Variants in PLEKHH2 observed in about 807,000 individuals in gnomAD.
PLEKHH2 encodes the protein pleckstrin homology domain-containing family H member 2.
PLEKHH2 carries 129 observed loss-of-function variants against 187.9 expected under a neutral mutation model. That is an observed-to-expected ratio of 0.69 (90% CI 0.59 to 0.79). The LOEUF is 0.79. PLEKHH2 is among the 30% of genes least tolerant of loss of function. The pLI is 0.00. For synonymous variants in PLEKHH2, 686 were observed against 605.6 expected, an observed-to-expected ratio of 1.13 and a Z score of -1.95; for missense variants, 2,076 against 1,751.2, an observed-to-expected ratio of 1.19 and a Z score of -3.31.
chr2:43,743,149 T>G (rs1232913506), intron 22 of PLEKHH2, among the ~76,000 whole-genome samples: 2 of 152,256 alleles, frequency 1.3e-5, no homozygotes, highest in African/African-American at 4.8e-5. Flanking sequence ...ACTGCCATTA[T>G]GATTCTGATG....
Position 43,692,600 on chromosome 2 carries a change from G to A in PLEKHH2, c.273G>A (p.Leu91=), listed in dbSNP as rs1668857468. 3 of 1,611,882 alleles carry A rather than the reference G, an allele frequency of 1.9e-6. No homozygotes were observed. The highest frequency in any genetic ancestry group is 2.5e-6 in the Non-Finnish European group (3 of 1,178,356). Reference sequence around the variant, plus strand: ...GATTATATAATAAGTGTCAAGATCTGGAGTCGCTAATACAGGAAAAAGATG... The same window carrying A: ...GATTATATAATAAGTGTCAAGATCTAGAGTCGCTAATACAGGAAAAAGATG... ...ETRLYNKCQD[L]ESLIQEKDDV... is the part of the protein sequence containing the mutation. Residue 91 remains leucine, a synonymous_variant, in exon 4 of 30, where the codon CTG becomes CTA. Coordinates refer to ENST00000282406, the MANE Select transcript of PLEKHH2 (RefSeq NM_172069.4).
intron 24 of PLEKHH2, among the ~76,000 whole-genome samples, chr2:43,753,411 C>G (rs1572663437): frequency 6.6e-6 from 1 of 152,166 alleles, no homozygotes; most frequent in East Asian, 1.9e-4. Context: ...TCCAGCACTT[C>G]TCAACCTCAA....
chr2:43,685,960 C>T (rs1363113106), intron 3 of PLEKHH2, among the ~76,000 whole-genome samples: 1 of 152,196 alleles, frequency 6.6e-6, no homozygotes, highest in Non-Finnish European at 1.5e-5. Flanking sequence ...GATTATTCCC[C>T]TATAAAAGTA....
In PLEKHH2 at chr2:43,678,888, T is replaced by G; in HGVS notation, c.149T>G (p.Ile50Ser). 6.2e-7 allele frequency: 1 copy of G among 1,607,918 alleles called. No individual in the cohort carries two copies. Among genetic ancestry groups the G allele is most frequent in the Non-Finnish European group, 8.5e-7 (1 of 1,175,914 alleles). ...ATGCAACAGCTTGAGAGACAAGTTA[T>G]TGATGCTGAACGTCAAGCAGAAAAA... ...EKMQQLERQV[I>S]DAERQAEKAF... Residue 50 changes from isoleucine to serine, a missense_variant, in exon 3 of 30, where the codon ATT becomes AGT. Coordinates refer to ENST00000282406, the MANE Select transcript of PLEKHH2 (RefSeq NM_172069.4).
At position 43,697,328 on chromosome 2, in the gene PLEKHH2, T is replaced by G; in HGVS notation, c.660T>G (p.Pro220=). The part of the protein sequence containing the change: ...EEMSKISSKE[P]EFTEGKDMEE... ...TGAGCAAGATATCATCGAAAGAACC[T>G]GAGTTCACTGAAGGAAAAGACATGG... The change falls in exon 7 of 30, where the codon CCT becomes CCG. Residue 220 remains proline (P), a synonymous_variant. Coordinates refer to ENST00000282406, the MANE Select transcript of PLEKHH2 (RefSeq NM_172069.4). The G allele has an allele frequency of 6.2e-7, 1 of 1,612,270 alleles. No individual in the cohort carries two copies. The highest frequency in any genetic ancestry group is 8.5e-7 in the Non-Finnish European group (1 of 1,179,306).
At chr2:43,653,886 C>A (rs911477157) in intron 2 of PLEKHH2, among the ~76,000 whole-genome samples, 1 of 152,150 alleles carries the variant, frequency 6.6e-6, no homozygotes, top group Non-Finnish European at 1.5e-5. Flanking sequence ...TTACATGGTT[C>A]AGCTCTGAAT....
At position 43,753,697 on chromosome 2, in the gene PLEKHH2, C is replaced by G; in HGVS notation, c.3732C>G (p.Ile1244Met). 4 of 1,583,754 alleles carry G rather than the reference C, an allele frequency of 2.5e-6. No individual in the cohort carries two copies. The highest frequency in any genetic ancestry group is 3.4e-6 in the Non-Finnish European group (4 of 1,168,822). ...TAATGTATCAGACAAATGATCAAAT[C>G]ATAAATGGACTTTTTCCTCTGAACA... ...LLLMYQTNDQ[I>M]INGLFPLNKD... The change falls in exon 25 of 30, where the codon ATC becomes ATG. Residue 1244 changes from isoleucine to methionine, a missense_variant. Coordinates refer to ENST00000282406, the MANE Select transcript of PLEKHH2 (RefSeq NM_172069.4).
intron 15 of PLEKHH2, among the ~76,000 whole-genome samples, chr2:43,717,827 G>A (rs1670285694): frequency 6.6e-6 from 1 of 152,200 alleles, no homozygotes; most frequent in African/African-American, 2.4e-5. Context: ...CAGGGTATTG[G>A]GAGGATTAAG....
intron 2 of PLEKHH2, 37 bp from the exon 3 acceptor site, chr2:43,678,826 A>G (rs1430506393): frequency 1.3e-6 from 2 of 1,505,448 alleles, no homozygotes; most frequent in South Asian, 1.2e-5. Flanking sequence ...TTTTTCAAAA[A>G]TAAATTTTTG....
intron 22 of PLEKHH2, among the ~76,000 whole-genome samples, chr2:43,743,452 A>G (rs549602244): frequency 6.0e-5 from 9 of 150,898 alleles, no homozygotes; most frequent in African/African-American, 2.2e-4. Flanking sequence ...AACATTAAAT[A>G]CATAAAGGTG....
At position 43,700,325 on chromosome 2, in the gene PLEKHH2, G is replaced by T. The variant is rs577902213; in HGVS notation, c.1367G>T (p.Arg456Met). 6.8e-6 allele frequency: 11 copies of T among 1,614,070 alleles called. No individual in the cohort carries two copies. The East Asian group carries it at 1.8e-4, about 26-fold the overall frequency. Reference sequence around the variant, plus strand: ...AGTATAAGTGTAGCACTAGCCAAAAGGCACTTAAGCCAGCCACAGTTAAGC... The same window carrying T: ...AGTATAAGTGTAGCACTAGCCAAAATGCACTTAAGCCAGCCACAGTTAAGC... ...VFSISVALAK[R>M]HLSQPQLSSD... is the part of the protein sequence containing the mutation. Residue 456 changes from arginine to methionine, a missense_variant, in exon 8 of 30, where the codon AGG (arginine) becomes ATG (methionine). Transcript: ENST00000282406.
chr2:43,654,564 CTT>C (rs35454431), intron 2 of PLEKHH2, among the ~76,000 whole-genome samples: 43,373 of 126,132 alleles, frequency 0.34, 7,358 homozygotes, highest in African/African-American at 0.4. Flanking sequence ...AACTCCTTAA[CTT>C]TTTTTTTTTT....
intron 14 of PLEKHH2, chr2:43,710,959 A>ACATTTCAG (rs1309107833): frequency 2.4e-5 from 24 of 1,007,844 alleles, no homozygotes; most frequent in Non-Finnish European, 2.8e-5. Flanking sequence ...ATTTTAATAT[A>ACATTTCAG]GAATCTGAAA....
chr2:43,668,127 G>T (rs1039114545), intron 2 of PLEKHH2, among the ~76,000 whole-genome samples: 2 of 152,030 alleles, frequency 1.3e-5, no homozygotes, highest in Non-Finnish European at 2.9e-5. Context: ...CTGCCACCCG[G>T]GTTCAAGTGA....
At chr2:43,658,959 AC>A (rs1365823891) in intron 2 of PLEKHH2, 135 of 144,936 alleles carry the variant, frequency 9.3e-4, no homozygotes, top group African/African-American at 3.3e-3. Flanking sequence ...AATTTTTAAG[AC>A]TTTTTTTTCT....
chr2:43,731,891 C>T (rs1671057850), intron 19 of PLEKHH2, among the ~76,000 whole-genome samples: 1 of 152,200 alleles, frequency 6.6e-6, no homozygotes, highest in East Asian at 1.9e-4. Context: ...TAATTTTCCA[C>T]ATCACACCAG....
intron 23 of PLEKHH2, 185 bp downstream of exon 23, chr2:43,744,174 A>G (rs1464324801): frequency 2.4e-6 from 3 of 1,264,428 alleles, no homozygotes; most frequent in East Asian, 2.6e-5. Context: ...TTAATACACA[A>G]TCTCTACATA....
chr2:43,649,106 G>A (rs1331426149), intron 2 of PLEKHH2, among the ~76,000 whole-genome samples: 2 of 152,098 alleles, frequency 1.3e-5, no homozygotes, highest in Admixed American at 1.3e-4. Flanking sequence ...AGCTTGTGAA[G>A]AAAAAGGCCT....
chr2:43,753,615 A>G lies in PLEKHH2; in HGVS notation c.3654-4A>G. 4 of 1,439,024 alleles carry G rather than the reference A, an allele frequency of 2.8e-6. No homozygotes were observed. The highest frequency in any genetic ancestry group is 1.6e-5 in the South Asian group (1 of 61,492). 89.1% of individuals were successfully genotyped at this position (1,439,024 alleles called of 1,614,324 possible). On this transcript the variant is annotated splice_polypyrimidine_tract_variant and splice_region_variant and intron_variant, in intron 24 of 29. Transcript: ENST00000282406. ...AATGAGAAATTTACTCTTTTTTTTT[A>G]CAGACTATATTTCTCAGTGCAAGCT...
Sources: allele counts gnomAD v4.1 joint callset (sites outside exome capture counted in the v4.1 genomes callset), GRCh38; gene constraint gnomAD v4.1.1; transcripts MANE v1.5; gene names NCBI Gene and HGNC (gene_info 2026-07-23, HGNC 2026-07-21).